Variants in JAM2 observed in about 807,000 individuals in gnomAD.
The protein encoded by JAM2 is junctional adhesion molecule 2.
A neutral mutation model predicts 42.0 loss-of-function variants in JAM2; 17 were observed. The observed-to-expected ratio is 0.40, with a 90% confidence interval of 0.28 to 0.61. JAM2 has a LOEUF of 0.61. Among genes scored for constraint, JAM2 ranks in the 20% least tolerant of loss-of-function variants. The pLI, the probability that JAM2 is intolerant of heterozygous loss-of-function variation, is 0.37. For synonymous variants in JAM2, 118 were observed against 128.6 expected (o/e 0.92, Z 0.56); for missense variants, 319 against 358.3 (o/e 0.89, Z 0.89).
At chr21:25,682,659 C>T (rs541405553) in intron 1 of JAM2, among the ~76,000 whole-genome samples, 62 of 152,338 alleles carry the variant, frequency 4.1e-4, no homozygotes, top group Non-Finnish European at 5.6e-4. Flanking sequence ...TCGCATGGGC[C>T]GAGGGCCAGT....
At chr21:25,668,583 C>A (rs1025416418) in intron 1 of JAM2, among the ~76,000 whole-genome samples, 2 of 152,162 alleles carry the variant, frequency 1.3e-5, no homozygotes, top group Non-Finnish European at 2.9e-5. Flanking sequence ...GAGTTGCCAT[C>A]ATCTGAGGTG....
At chr21:25,704,762 C>T (rs961039500) in intron 6 of JAM2, among the ~76,000 whole-genome samples, 2 of 152,170 alleles carry the variant, frequency 1.3e-5, no homozygotes, top group Non-Finnish European at 2.9e-5. Flanking sequence ...AGTTGAATCC[C>T]ATGCTCAGAG....
At chr21:25,696,259 G>A (rs1383469019) in intron 4 of JAM2, among the ~76,000 whole-genome samples, 1 of 152,178 alleles carries the variant, frequency 6.6e-6, no homozygotes, top group African/African-American at 2.4e-5. Flanking sequence ...GTGGCGGCGC[G>A]CGCCTGCAAT....
chr21:25,657,272 C>G (rs1049580245), intron 1 of JAM2, among the ~76,000 whole-genome samples: 2 of 152,146 alleles, frequency 1.3e-5, no homozygotes. Context: ...CCTCCAACTC[C>G]CAAAGTGCTG....
At chr21:25,713,558 G>A (rs897027458) in intron 9 of JAM2, among the ~76,000 whole-genome samples, 82 of 151,824 alleles carry the variant, frequency 5.4e-4, no homozygotes, top group Non-Finnish European at 2.5e-4. Flanking sequence ...AGTAGAGTCT[G>A]GGGGGTGGGG....
chr21:25,654,192 A>C (rs576612862), intron 1 of JAM2, among the ~76,000 whole-genome samples: 1 of 152,364 alleles, frequency 6.6e-6, no homozygotes, highest in South Asian at 2.1e-4. Context: ...AAAATAGATA[A>C]TGAAAAAATA....
chr21:25,674,192 G>A (rs1017879156), intron 1 of JAM2, among the ~76,000 whole-genome samples: 2 of 152,040 alleles, frequency 1.3e-5, no homozygotes, highest in South Asian at 2.1e-4. Flanking sequence ...TCAGGAGTTC[G>A]AGACCAGCCT....
chr21:25,707,007 G>A (rs1315428466), intron 7 of JAM2, among the ~76,000 whole-genome samples: 1 of 152,066 alleles, frequency 6.6e-6, no homozygotes, highest in Non-Finnish European at 1.5e-5. Flanking sequence ...CAAAGTGCTG[G>A]GATAACAGGT....
At chr21:25,679,978 C>G (rs2033590275) in intron 1 of JAM2, among the ~76,000 whole-genome samples, 1 of 152,172 alleles carries the variant, frequency 6.6e-6, no homozygotes, top group African/African-American at 2.4e-5. Context: ...CTCTTTGTGC[C>G]TCAGTTTTCC....
At chr21:25,667,169 C>G (rs923544218) in intron 1 of JAM2, among the ~76,000 whole-genome samples, 15 of 152,222 alleles carry the variant, frequency 9.9e-5, no homozygotes, top group African/African-American at 3.4e-4. Context: ...AACAATTCAC[C>G]TGGGATGGGA....
intron 1 of JAM2, 36 bp from the exon 2 acceptor site, chr21:25,683,847 A>G: frequency 6.8e-7 from 1 of 1,460,032 alleles, no homozygotes; most frequent in Non-Finnish European, 9.5e-7. Context: ...GAACTTTTGT[A>G]TAATTTTAAT....
rs200197989 is a variant in JAM2 at position 25,694,970 on chromosome 21, TTTTC to T, written c.394+1070_394+1073del. Among the ~76,000 whole-genome samples the T allele has an allele frequency of 5.4e-3, 793 of 147,414 alleles. 6 individuals are homozygous for T. The highest frequency in any genetic ancestry group is 0.019 in the African/African-American group (743 of 39,254). ...CAAGACTAAAACAGCTCCCCTTCCTTTTTCTTTCTTTTTTTTTTTTTTAGTATTT... is the reference window on the plus strand; with the variant it reads ...CAAGACTAAAACAGCTCCCCTTCCTTTTTCTTTTTTTTTTTTTTAGTATTT... On this transcript the variant is annotated intron_variant, in intron 4 of 9. Transcript: ENST00000480456.
At position 25,716,583 on chromosome 21, in the gene JAM2, T is replaced by C. The variant is rs1180142763; in HGVS notation, c.*1911T>C. The C allele has an allele frequency of 6.6e-6, 1 of 152,194 alleles. No homozygotes were observed. The highest frequency in any genetic ancestry group is 2.4e-5 in the African/African-American group (1 of 41,450). The allele number at this position is 152,194 out of a possible 1,614,324, so 9.4% of individuals were successfully genotyped here. The stretch of plus-strand genomic sequence containing the variant: ...TTTCTGTAAAGAGCCAGAAAGTAGA[T>C]ATTTTAAGTCATAAGGTCCCTGTTA... On this transcript the variant is annotated 3_prime_UTR_variant, in exon 10 of 10. Transcript: ENST00000480456.
At chr21:25,676,245 G>C (rs1042664921) in intron 1 of JAM2, among the ~76,000 whole-genome samples, 1 of 126,964 alleles carries the variant, frequency 7.9e-6, no homozygotes, top group Non-Finnish European at 1.6e-5. Flanking sequence ...CCAAGATCAC[G>C]CCACTGCACT....
At chr21:25,696,171 C>T (rs555354122) in intron 4 of JAM2, among the ~76,000 whole-genome samples, 1 of 152,278 alleles carries the variant, frequency 6.6e-6, no homozygotes, top group African/African-American at 2.4e-5. Flanking sequence ...AGATCACTCG[C>T]GGTTAGGAGC....
chr21:25,663,516 T>C (rs2033142770), intron 1 of JAM2, among the ~76,000 whole-genome samples: 1 of 152,188 alleles, frequency 6.6e-6, no homozygotes, highest in Non-Finnish European at 1.5e-5. Context: ...AAGTGATCGA[T>C]TCATGAGGAC....
chr21:25,705,537 A>C (rs34482392), intron 6 of JAM2, among the ~76,000 whole-genome samples: 2 of 152,126 alleles, frequency 1.3e-5, no homozygotes, highest in South Asian at 4.1e-4. Flanking sequence ...CATGCCTGGC[A>C]CCATGTGTTT....
chr21:25,690,500 T>C (rs1175995459), intron 3 of JAM2, among the ~76,000 whole-genome samples: 1 of 151,936 alleles, frequency 6.6e-6, no homozygotes, highest in Non-Finnish European at 1.5e-5. Flanking sequence ...GCTAATTTAA[T>C]TTTATTTATT....
chr21:25,663,475 T>C (rs1171465566), intron 1 of JAM2, among the ~76,000 whole-genome samples: 3 of 152,172 alleles, frequency 2.0e-5, no homozygotes, highest in African/African-American at 4.8e-5. Context: ...TAATCCCTAA[T>C]GTAGCAGTAT....
Sources: gnomAD v4.1 joint callset for allele counts (sites outside exome capture counted in the v4.1 genomes callset) on GRCh38, gnomAD v4.1.1 for gene constraint, MANE v1.5 for transcripts, NCBI Gene and HGNC (gene_info 2026-07-23, HGNC 2026-07-21) for gene names.